The following PPP1R16B variants were observed in gnomAD, a reference collection of about 807,000 sequenced individuals.
PPP1R16B encodes protein phosphatase 1 regulatory subunit 16B.
In PPP1R16B, 14 loss-of-function variants were observed where a neutral mutation model predicts 61.7. The observed-to-expected ratio is 0.23, with a 90% confidence interval of 0.15 to 0.35. The LOEUF (loss-of-function observed/expected upper bound fraction) is 0.35, where lower values mean the gene tolerates loss of function less well. PPP1R16B is among the 10% of genes least tolerant of loss of function. PPP1R16B has a pLI of 1.00. For synonymous variants in PPP1R16B, 266 were observed against 305.3 expected (o/e 0.87, Z 1.34); for missense variants, 547 against 752.5 (o/e 0.73, Z 3.19).
chr20:38,824,072 C>G (rs1024541611), intron 1 of PPP1R16B, among the ~76,000 whole-genome samples: 1 of 152,220 alleles, frequency 6.6e-6, no homozygotes, highest in African/African-American at 2.4e-5. Context: ...TCCCTAACCT[C>G]TCCGAGTCCC....
intron 4 of PPP1R16B, among the ~76,000 whole-genome samples, chr20:38,897,042 A>T (rs555478948): frequency 6.6e-6 from 1 of 152,320 alleles, no homozygotes; most frequent in Admixed American, 6.5e-5. Flanking sequence ...GCTACTTGGG[A>T]GGCTGAGGCA....
intron 2 of PPP1R16B, among the ~76,000 whole-genome samples, chr20:38,862,691 G>T (rs914922642): frequency 1.3e-5 from 2 of 152,200 alleles, no homozygotes; most frequent in African/African-American, 2.4e-5. Context: ...TGAGGAATGG[G>T]ATGAAGAAGA....
chr20:38,865,985 A>G (rs2085087723), intron 2 of PPP1R16B, among the ~76,000 whole-genome samples: 1 of 152,008 alleles, frequency 6.6e-6, no homozygotes. Flanking sequence ...TTAGCCAGAC[A>G]TGGTGGCGTG....
At chr20:38,913,625 G>A (rs1444412427) in intron 10 of PPP1R16B, among the ~76,000 whole-genome samples, 1 of 152,146 alleles carries the variant, frequency 6.6e-6, no homozygotes, top group Non-Finnish European at 1.5e-5. Context: ...TAAGTAGAAT[G>A]CATCGACCAC....
In PPP1R16B at chr20:38,895,575, A is replaced by G. The variant is rs2145765922; in HGVS notation, c.332A>G (p.Asp111Gly). The G allele has an allele frequency of 6.2e-7, 1 of 1,613,900 alleles. No individual in the cohort carries two copies. Among genetic ancestry groups the G allele is most frequent in the Non-Finnish European group, 8.5e-7 (1 of 1,179,844 alleles). ...GTGTGTCTCTCCCAGTGCTGCATCG[A>G]CAACTTTGAGGAAATTGTGAAGCTG... Reference protein sequence around the residue: ...GLTALHQCCIDNFEEIVKLLL... With the variant: ...GLTALHQCCIGNFEEIVKLLL... Residue 111 changes from aspartate (D) to glycine (G), a missense_variant, in exon 4 of 11, where the codon GAC (aspartate) becomes GGC (glycine). Asp to Gly is a moderately conservative substitution (Grantham distance 94). Transcript: ENST00000299824.
Position 38,900,584 on chromosome 20 carries a change from G to C in PPP1R16B, c.471G>C (p.Gly157=). 1 of 1,601,816 alleles carries C rather than the reference G, an allele frequency of 6.2e-7. No homozygotes were observed. The highest frequency in any genetic ancestry group is 1.1e-5 in the South Asian group (1 of 88,422). The change falls in exon 5 of 11, where the codon GGG becomes GGC. Residue 157 remains glycine, a synonymous_variant. Transcript: ENST00000299824. The stretch of plus-strand genomic sequence containing the variant: ...CACCCTGCCTCTTTCTCTGCAGTGG[G>C]GCCGACTTGCTTGCTGTCAACTCGG... ...INLVKILVQY[G]ADLLAVNSDG... is the part of the protein sequence containing the mutation.
intron 1 of PPP1R16B, among the ~76,000 whole-genome samples, chr20:38,809,260 G>A (rs1441430140): frequency 6.6e-6 from 1 of 151,906 alleles, no homozygotes; most frequent in Non-Finnish European, 1.5e-5. Context: ...GGGGGTGGGG[G>A]CTCACTCCTG....
At chr20:38,900,710 G>A in intron 5 of PPP1R16B, 26 bp downstream of exon 5, 4 of 1,527,748 alleles carry the variant, frequency 2.6e-6, no homozygotes, top group Non-Finnish European at 3.5e-6. Context: ...CTGCTATGAA[G>A]TGAGCACAGC....
intron 2 of PPP1R16B, among the ~76,000 whole-genome samples, chr20:38,868,008 T>A (rs2085101759): frequency 1.3e-5 from 2 of 152,192 alleles, no homozygotes; most frequent in Non-Finnish European, 2.9e-5. Flanking sequence ...TGTTTCCCCC[T>A]AAAATTGCAG....
At chr20:38,891,099 G>C (rs751454277) in intron 3 of PPP1R16B, among the ~76,000 whole-genome samples, 3 of 152,202 alleles carry the variant, frequency 2.0e-5, no homozygotes, top group South Asian at 2.1e-4. Flanking sequence ...CTGAAATGGA[G>C]ACCCAAATGC....
At chr20:38,896,210 TCTCCCTCCCTTTCTTTTCCCTACCTGC>T (rs2085347950) in intron 4 of PPP1R16B, among the ~76,000 whole-genome samples, 1 of 114,000 alleles carries the variant, frequency 8.8e-6, no homozygotes, top group African/African-American at 3.5e-5. Flanking sequence ...TCCCTCCCTC[TCTCCCTCCCTTTCTTTTCCCTACCTGC>T]CTCCCTCCCT....
chr20:38,904,119 T>C (rs1333148552), intron 6 of PPP1R16B, among the ~76,000 whole-genome samples: 2 of 152,326 alleles, frequency 1.3e-5, no homozygotes, highest in East Asian at 3.9e-4. Context: ...TTTCTATTAC[T>C]TGGGTGCCTG....
chr20:38,918,248 G>C lies in PPP1R16B; in HGVS notation c.1286G>C (p.Arg429Pro). Residue 429 changes from arginine to proline, a missense_variant, in exon 11 of 11, where the codon CGG (arginine) becomes CCG (proline). By Grantham distance (103) the Arg-to-Pro change is moderately radical. Coordinates refer to ENST00000299824, the MANE Select transcript of PPP1R16B (RefSeq NM_015568.4). The surrounding 1 kb of genome is among the most constrained non-coding windows in gnomAD (Gnocchi z 5.3). ...GACATGCCTGTTGAGAATGGCCTCC[G>C]GGCTCCGGTCAGTGCCTACCAGTAT... The part of the protein sequence containing the change: ...ELDMPVENGL[R>P]APVSAYQYAL... 4 of 1,614,214 alleles carry C rather than the reference G, an allele frequency of 2.5e-6. No homozygotes were observed. The highest frequency in any genetic ancestry group is 3.4e-6 in the Non-Finnish European group (4 of 1,180,044).
At chr20:38,810,024 A>G (rs1046810288) in intron 1 of PPP1R16B, among the ~76,000 whole-genome samples, 1 of 151,798 alleles carries the variant, frequency 6.6e-6, no homozygotes, top group Non-Finnish European at 1.5e-5. Context: ...AAAAAACTTA[A>G]AAACCCAGCT....
chr20:38,902,929 G>A, intron 6 of PPP1R16B, 137 bp downstream of exon 6: 1 of 1,378,610 alleles, frequency 7.3e-7, no homozygotes, highest in African/African-American at 1.4e-5. Flanking sequence ...GGCCAGGATT[G>A]CCCCTGGATA....
intron 2 of PPP1R16B, among the ~76,000 whole-genome samples, chr20:38,839,516 G>A (rs2084895679): frequency 6.6e-6 from 1 of 151,668 alleles, no homozygotes; most frequent in African/African-American, 2.4e-5. Context: ...CCCCTCCTTT[G>A]CTTCTTTTTG....
intron 2 of PPP1R16B, among the ~76,000 whole-genome samples, chr20:38,846,114 G>A (rs1469847375): frequency 6.6e-6 from 1 of 152,132 alleles, no homozygotes; most frequent in Non-Finnish European, 1.5e-5. Context: ...GGGAGGAGGG[G>A]ATTTGGAGAG....
At chr20:38,891,941 G>A (rs1266149214) in intron 3 of PPP1R16B, among the ~76,000 whole-genome samples, 1 of 152,180 alleles carries the variant, frequency 6.6e-6, no homozygotes, top group Non-Finnish European at 1.5e-5. Flanking sequence ...AGCCACACGC[G>A]GATCCACAGC....
chr20:38,832,472 T>TA (rs1161092501), intron 1 of PPP1R16B, among the ~76,000 whole-genome samples: 3 of 152,142 alleles, frequency 2.0e-5, no homozygotes, highest in African/African-American at 7.2e-5. Flanking sequence ...TCCTTACTTC[T>TA]AAAAAAGCAA....
Sources: gnomAD v4.1 joint callset for allele counts (sites outside exome capture counted in the v4.1 genomes callset) on GRCh38, gnomAD v4.1.1 for gene constraint, Gnocchi (gnomAD v3.1) non-coding constraint, MANE v1.5 for transcripts, NCBI Gene and HGNC (gene_info 2026-07-23, HGNC 2026-07-21) for gene names.